ANO4: variants seen among roughly 807,000 people sequenced by gnomAD.
ANO4 encodes the protein anoctamin-4.
A neutral mutation model predicts 141.9 loss-of-function variants in ANO4; 69 were observed. The ratio of observed to expected loss-of-function variants is 0.49; its 90% confidence interval spans 0.40 to 0.59. ANO4 has a LOEUF of 0.59. Among genes scored for constraint, ANO4 ranks in the 20% least tolerant of loss-of-function variants. The pLI is 0.00. For missense variants in ANO4, 894 were observed against 1,162.2 expected, an observed-to-expected ratio of 0.77 and a Z score of 3.36; for synonymous variants, 350 against 394.3, an observed-to-expected ratio of 0.89 and a Z score of 1.33.
At chr12:100,768,821 T>C (rs1269183129) in intron 3 of ANO4, among the ~76,000 whole-genome samples, 1 of 152,234 alleles carries the variant, frequency 6.6e-6, no homozygotes, top group African/African-American at 2.4e-5. Flanking sequence ...AGTGAGTTGA[T>C]ATCACAGTTA....
intron 1 of ANO4, among the ~76,000 whole-genome samples, chr12:100,838,329 A>G (rs922143871): frequency 4.0e-5 from 6 of 151,694 alleles, no homozygotes; most frequent in African/African-American, 1.2e-4. Context: ...ATGGGGTGCC[A>G]CCTTGGCAGG....
intron 9 of ANO4, among the ~76,000 whole-genome samples, chr12:101,033,373 C>T (rs1049947277): frequency 5.9e-5 from 9 of 151,860 alleles, no homozygotes; most frequent in Non-Finnish European, 8.8e-5. Flanking sequence ...TGCTAGATGA[C>T]GAGCTAGTGG....
chr12:101,094,474 T>C (rs544030286), intron 18 of ANO4, among the ~76,000 whole-genome samples, 182 bp downstream of exon 18: 10 of 152,316 alleles, frequency 6.6e-5, no homozygotes, highest in African/African-American at 2.4e-4. Context: ...TCTATATAAA[T>C]CTTTAAAATC....
chr12:101,051,639 CATGT>C (rs1463210916), intron 14 of ANO4, among the ~76,000 whole-genome samples: 1 of 152,154 alleles, frequency 6.6e-6, no homozygotes, highest in East Asian at 1.9e-4. Context: ...AAGCATTGCC[CATGT>C]ATCATCTCAT....
chr12:100,865,776 G>T (rs2038723327), intron 1 of ANO4, among the ~76,000 whole-genome samples: 1 of 152,182 alleles, frequency 6.6e-6, no homozygotes, highest in Non-Finnish European at 1.5e-5. Context: ...ATTTGCAAAG[G>T]TGTGGGTATC....
chr12:101,074,620 C>T (rs1190693324), intron 14 of ANO4, among the ~76,000 whole-genome samples: 2 of 152,104 alleles, frequency 1.3e-5, no homozygotes, highest in Admixed American at 1.3e-4. Context: ...GCCACAGGGT[C>T]CATACAACCA....
At chr12:100,944,072 G>A (rs1467221330) in intron 5 of ANO4, among the ~76,000 whole-genome samples, 2 of 152,138 alleles carry the variant, frequency 1.3e-5, no homozygotes, top group Admixed American at 1.3e-4. Flanking sequence ...AGCTTCATAA[G>A]TATTCTCTAC....
intron 22 of ANO4, among the ~76,000 whole-genome samples, chr12:101,103,713 T>C (rs1192887067): frequency 1.3e-5 from 2 of 151,920 alleles, no homozygotes; most frequent in Non-Finnish European, 2.9e-5. Context: ...CTTGTAACGT[T>C]TCATTTAGAT....
intron 1 of ANO4, among the ~76,000 whole-genome samples, chr12:100,887,773 G>A (rs1285558344): frequency 6.6e-5 from 10 of 152,088 alleles, no homozygotes; most frequent in Admixed American, 3.3e-4. Context: ...TTTTCCCCAA[G>A]GTATTACTTT....
intron 1 of ANO4, among the ~76,000 whole-genome samples, chr12:100,721,111 G>C (rs1232564422): frequency 6.6e-6 from 1 of 152,188 alleles, no homozygotes; most frequent in Non-Finnish European, 1.5e-5. Context: ...TGTATAGTTA[G>C]CTGCCAGACT....
chr12:101,085,635 A>C (rs1260197365), intron 16 of ANO4, among the ~76,000 whole-genome samples: 1 of 152,112 alleles, frequency 6.6e-6, no homozygotes, highest in African/African-American at 2.4e-5. Flanking sequence ...CGTCATGAGG[A>C]TACTGAGGGA....
In ANO4 at chr12:100,975,161, C is replaced by CT. The variant is rs60844353; in HGVS notation, c.602+286dup. On this transcript the variant is annotated intron_variant, in intron 7 of 27. Transcript: ENST00000392977. ...TGGGGCTATTGCTTTTTAGCCCATT[C>CT]TTTTTTTTTTTTTTAATTTCAATAG... Among the ~76,000 whole-genome samples, 1,329 of 141,118 alleles carry CT rather than the reference C, an allele frequency of 9.4e-3. 46 individuals are homozygous for CT. Among genetic ancestry groups the CT allele is most frequent in the Admixed American group, 0.066 (930 of 14,134 alleles). 92.6% of individuals were successfully genotyped at this position (141,118 alleles called of 152,430 possible).
rs944520100 is a variant in ANO4, at chr12:101,107,519, T to C, written c.2150-2885T>C. Among the ~76,000 whole-genome samples the C allele has an allele frequency of 5.4e-5, 8 of 148,302 alleles. No homozygotes were observed. The Admixed American group carries it at 5.4e-4, about 10-fold the overall frequency. Reference sequence around the variant, plus strand: ...TATTTGAGTACTCTTGAAGGTAGAATGACTACTTCATCAAAGTAGTCATAG... The same window carrying C: ...TATTTGAGTACTCTTGAAGGTAGAACGACTACTTCATCAAAGTAGTCATAG... On this transcript the variant is annotated intron_variant, in intron 22 of 27. Coordinates refer to ENST00000392977, the MANE Select transcript of ANO4 (RefSeq NM_001286615.2).
chr12:101,067,679 T>C (rs1389299602), intron 14 of ANO4, among the ~76,000 whole-genome samples: 2 of 152,122 alleles, frequency 1.3e-5, no homozygotes, highest in African/African-American at 4.8e-5. Flanking sequence ...TGAGACTCTG[T>C]CTCCCAAAAA....
chr12:100,925,945 C>G (rs975175446), intron 3 of ANO4, among the ~76,000 whole-genome samples: 1 of 151,522 alleles, frequency 6.6e-6, no homozygotes, highest in Non-Finnish European at 1.5e-5. Context: ...TCTTGAGTGT[C>G]TGGGGTAGGC....
chr12:100,751,713 C>G (rs2032388472), intron 3 of ANO4, among the ~76,000 whole-genome samples: 2 of 151,862 alleles, frequency 1.3e-5, no homozygotes, highest in Admixed American at 6.6e-5. Context: ...AGACAAGGCT[C>G]CTTTCTTATG....
rs749612313 is a variant in ANO4 at position 100,901,766 on chromosome 12, C to T, written c.-20C>T. 2 of 1,613,320 alleles carry T rather than the reference C, an allele frequency of 1.2e-6. No homozygotes were observed. Among genetic ancestry groups the T allele is most frequent in the Admixed American group, 1.7e-5 (1 of 60,004 alleles). On this transcript the variant is annotated 5_prime_UTR_variant, in exon 2 of 28. An upstream open reading frame in the 5' UTR gains an earlier in-frame stop. Coordinates refer to ENST00000392977, the MANE Select transcript of ANO4 (RefSeq NM_001286615.2). ...GTGGTCAGGCATTCCTCACTCCCAC[C>T]AGGCAGAAGGTCAATAAAAATGGAG...
At chr12:101,068,797 A>G in intron 14 of ANO4, 1 of 1,212,518 alleles carries the variant, frequency 8.2e-7, no homozygotes. Flanking sequence ...AGAAGAGCCC[A>G]CAGTCATCAA....
intron 5 of ANO4, among the ~76,000 whole-genome samples, chr12:100,952,236 T>G (rs2042999145): frequency 6.6e-6 from 1 of 152,232 alleles, no homozygotes; most frequent in South Asian, 2.1e-4. Flanking sequence ...TTAGATCCAC[T>G]TACTACTTCA....
Sources: gnomAD v4.1 joint callset for allele counts (sites outside exome capture counted in the v4.1 genomes callset) on GRCh38, gnomAD v4.1.1 for gene constraint, MANE v1.5 for transcripts, NCBI Gene and HGNC (gene_info 2026-07-23, HGNC 2026-07-21) for gene names.